Variants in OPCML observed in about 807,000 individuals in gnomAD.
The protein encoded by OPCML is opioid binding protein/cell adhesion molecule like, also known as opioid-binding protein/cell adhesion molecule.
OPCML carries 13 observed loss-of-function variants against 37.8 expected under a neutral mutation model. The ratio of observed to expected loss-of-function variants is 0.34; its 90% CI spans 0.22 to 0.55. The LOEUF (loss-of-function observed/expected upper bound fraction) is 0.55, where lower values mean the gene tolerates loss of function less well. OPCML is among the 20% of genes least tolerant of loss of function. OPCML has a pLI of 0.91. For synonymous variants in OPCML, 176 were observed against 168.8 expected, an observed-to-expected ratio of 1.04 and a Z score of -0.33; for missense variants, 341 against 435.6, an observed-to-expected ratio of 0.78 and a Z score of 1.93.
At chr11:133,509,656 T>C (rs1340974221) in intron 1 of OPCML, among the ~76,000 whole-genome samples, 1 of 152,184 alleles carries the variant, frequency 6.6e-6, no homozygotes, top group Non-Finnish European at 1.5e-5. Flanking sequence ...ATCTCATTTC[T>C]GGGCAGAAAC....
chr11:133,014,596 C>G (rs1251281496), intron 1 of OPCML, among the ~76,000 whole-genome samples: 1 of 152,174 alleles, frequency 6.6e-6, no homozygotes, highest in Non-Finnish European at 1.5e-5. Flanking sequence ...ATGCAGGAGA[C>G]AGTCCTTTGC....
chr11:132,890,183 G>A (rs1457218061), intron 2 of OPCML, among the ~76,000 whole-genome samples: 2 of 152,090 alleles, frequency 1.3e-5, no homozygotes, highest in Non-Finnish European at 2.9e-5. Context: ...GATGTCAAGG[G>A]TGTTCTTGGA....
intron 1 of OPCML, among the ~76,000 whole-genome samples, chr11:133,329,414 C>T (rs1443711620): frequency 1.5e-4 from 23 of 152,226 alleles, no homozygotes; most frequent in African/African-American, 2.6e-4. Flanking sequence ...GGAGGCATCA[C>T]GCTACCTGAC....
intron 1 of OPCML, among the ~76,000 whole-genome samples, chr11:133,443,046 A>T (rs892003222): frequency 1.3e-5 from 2 of 152,180 alleles, no homozygotes; most frequent in African/African-American, 2.4e-5. Context: ...TAAAAGAAAG[A>T]TACAAAATAA....
At chr11:133,238,725 A>G (rs557390515) in intron 1 of OPCML, among the ~76,000 whole-genome samples, 1 of 152,246 alleles carries the variant, frequency 6.6e-6, no homozygotes, top group South Asian at 2.1e-4. Context: ...TTTCCATTTA[A>G]GCCCAGACTC....
intron 3 of OPCML, among the ~76,000 whole-genome samples, chr11:132,654,536 GCTCCTCCCC>G (rs1941601175): frequency 6.8e-6 from 1 of 147,692 alleles, no homozygotes; most frequent in South Asian, 2.1e-4. Context: ...CCCAAGAGAA[GCTCCTCCCC>G]AAGAGAAGGT....
intron 1 of OPCML, among the ~76,000 whole-genome samples, chr11:133,180,339 G>T (rs539271003): frequency 2.0e-5 from 3 of 152,322 alleles, no homozygotes; most frequent in South Asian, 4.1e-4. Context: ...CAGCTGGGTT[G>T]TGCAGGTGGA....
intron 1 of OPCML, among the ~76,000 whole-genome samples, chr11:133,466,782 G>T (rs540982495): frequency 6.6e-6 from 1 of 152,266 alleles, no homozygotes; most frequent in East Asian, 1.9e-4. Flanking sequence ...GAGTGAAGAG[G>T]AAGAAAGAAG....
rs372776343 is a variant in OPCML, at chr11:133,405,209, G to A, written c.61+127055C>T. Among the ~76,000 whole-genome samples the A allele has an allele frequency of 6.6e-5, 10 of 152,132 alleles. No individual in the cohort carries two copies. In the East Asian group the frequency reaches 9.6e-4, roughly 15 times the overall value. On this transcript the variant is annotated intron_variant, in intron 1 of 7. Transcript: ENST00000524381. The stretch of plus-strand genomic sequence containing the variant: ...TGGTCACCACCCCCAGGAGAACCTA[G>A]GGAGACCTGTGGGCGTTGAGCAGAA...
chr11:133,272,561 A>G lies in OPCML; in HGVS notation c.61+259703T>C, dbSNP rs549284782. On this transcript the variant is annotated intron_variant, in intron 1 of 7. Coordinates refer to ENST00000524381, the MANE Select transcript of OPCML (RefSeq NM_001012393.5). ...TGTCCCTTCTGGCCACGTGAAAGCC[A>G]TGCTCCTTCCCCTCTGGGCCGGCCC... Among the ~76,000 whole-genome samples, 17 of 152,232 alleles carry G rather than the reference A, an allele frequency of 1.1e-4. 2 individuals carry two copies. Among genetic ancestry groups the G allele is most frequent in the African/African-American group, 4.1e-4 (17 of 41,564 alleles).
chr11:132,616,302 C>T (rs780143042), intron 3 of OPCML, among the ~76,000 whole-genome samples: 12 of 152,298 alleles, frequency 7.9e-5, no homozygotes, highest in East Asian at 7.7e-4. Flanking sequence ...CTAATGCACA[C>T]ACTGTTAGTA....
intron 4 of OPCML, among the ~76,000 whole-genome samples, chr11:132,451,386 G>GT (rs1458395255): frequency 1.0e-3 from 153 of 151,802 alleles, no homozygotes; most frequent in African/African-American, 3.5e-3. Flanking sequence ...CTGGGGCGGG[G>GT]GTGGGGGCGC....
chr11:133,408,715 G>A (rs768271059), intron 1 of OPCML, among the ~76,000 whole-genome samples: 7 of 152,124 alleles, frequency 4.6e-5, no homozygotes, highest in Admixed American at 3.9e-4. Flanking sequence ...TAGGATGTGG[G>A]AGGAAACCAA....
At chr11:133,314,563 A>G (rs917557392) in intron 1 of OPCML, among the ~76,000 whole-genome samples, 4 of 151,766 alleles carry the variant, frequency 2.6e-5, no homozygotes, top group African/African-American at 9.7e-5. Context: ...ATAAGAAAAA[A>G]AAAAAAAAGA....
At position 132,566,138 on chromosome 11, in the gene OPCML, T is replaced by C. The variant is rs186186572; in HGVS notation, c.380-36952A>G. On this transcript the variant is annotated intron_variant, in intron 3 of 7. Coordinates refer to ENST00000524381, the MANE Select transcript of OPCML (RefSeq NM_001012393.5). ...ATGATGTTAGGCACTGCAGGTGATA[T>C]CTGGTAGAGGAGAAATATAAAGATA... Among the ~76,000 whole-genome samples the C allele has an allele frequency of 5.2e-4, 79 of 152,360 alleles. 1 individual carries two copies. The highest frequency in any genetic ancestry group is 1.8e-3 in the African/African-American group (74 of 41,588).
At chr11:132,892,273 T>A (rs1017685022) in intron 2 of OPCML, among the ~76,000 whole-genome samples, 9 of 152,058 alleles carry the variant, frequency 5.9e-5, no homozygotes, top group Non-Finnish European at 1.0e-4. Context: ...CCTAAAGGCA[T>A]ATCCAGGAGA....
intron 2 of OPCML, among the ~76,000 whole-genome samples, chr11:132,746,596 G>T (rs1231611982): frequency 2.0e-5 from 3 of 152,134 alleles, no homozygotes; most frequent in Admixed American, 1.3e-4. Flanking sequence ...GACAGTCAGA[G>T]GTCGGGATTA....
chr11:132,839,267 G>A lies in OPCML; in HGVS notation c.146+103659C>T, dbSNP rs1028786505. 7.4e-4 allele frequency among the ~76,000 whole-genome samples: 112 copies of A among 152,296 alleles called. 1 individual carries two copies. Among genetic ancestry groups the A allele is most frequent in the African/African-American group, 2.5e-3 (102 of 41,574 alleles). ...GGGAAATCAGGTGGGACACAGGCCT[G>A]AGCCCCACTCACGGGCTGCATGACA... On this transcript the variant is annotated intron_variant, in intron 2 of 7. Transcript: ENST00000524381.
chr11:132,919,189 G>A (rs1944705352), intron 2 of OPCML, among the ~76,000 whole-genome samples: 1 of 152,194 alleles, frequency 6.6e-6, no homozygotes, highest in Non-Finnish European at 1.5e-5. Flanking sequence ...GAAAGCCAGG[G>A]CCTCAGTTTC....
Sources: allele counts gnomAD v4.1 joint callset (sites outside exome capture counted in the v4.1 genomes callset), GRCh38; gene constraint gnomAD v4.1.1; transcripts MANE v1.5; gene names NCBI Gene and HGNC (gene_info 2026-07-23, HGNC 2026-07-21).